Variants in ADGRB3 observed in about 807,000 individuals in gnomAD.
The protein encoded by ADGRB3 is adhesion G protein-coupled receptor B3, also known as brain-specific angiogenesis inhibitor 3.
ADGRB3 carries 37 observed loss-of-function variants against 193.4 expected under a neutral mutation model. That is an observed-to-expected ratio of 0.19 (90% CI 0.15 to 0.25). ADGRB3 has a LOEUF of 0.25. ADGRB3 is among the 10% of genes least tolerant of loss of function. The pLI is 1.00. For synonymous variants in ADGRB3, 690 were observed against 644.2 expected (o/e 1.07, Z -1.08); for missense variants, 1,637 against 1,852.9 (o/e 0.88, Z 2.14).
At chr6:68,909,656 T>G (rs533297535) in intron 3 of ADGRB3, among the ~76,000 whole-genome samples, 1 of 152,214 alleles carries the variant, frequency 6.6e-6, no homozygotes, top group African/African-American at 2.4e-5. Context: ...AACTTTGTCA[T>G]GCATTTTTAG....
At chr6:68,769,117 G>T (rs1003334380) in intron 3 of ADGRB3, among the ~76,000 whole-genome samples, 1 of 152,168 alleles carries the variant, frequency 6.6e-6, no homozygotes, top group Non-Finnish European at 1.5e-5. Flanking sequence ...TAACCATTGT[G>T]GAAGACAGTG....
chr6:69,004,149 T>C (rs1014766732), intron 11 of ADGRB3, among the ~76,000 whole-genome samples: 1 of 152,194 alleles, frequency 6.6e-6, no homozygotes, highest in African/African-American at 2.4e-5. Context: ...AAAGTTTTTA[T>C]TGAAGAATGT....
intron 17 of ADGRB3, among the ~76,000 whole-genome samples, chr6:69,164,277 C>A (rs1775076407): frequency 6.6e-6 from 1 of 151,650 alleles, no homozygotes. Context: ...ACATGGCAGG[C>A]ACTGAATATA....
chr6:69,044,275 C>A (rs1771176281), intron 13 of ADGRB3, among the ~76,000 whole-genome samples: 1 of 152,148 alleles, frequency 6.6e-6, no homozygotes, highest in South Asian at 2.1e-4. Context: ...TAGACTTTTT[C>A]TTTCACATGC....
chr6:69,182,605 AT>A lies in ADGRB3; in HGVS notation c.2481-50677del, dbSNP rs780382945. Among the ~76,000 whole-genome samples the A allele has an allele frequency of 4.6e-5, 7 of 151,158 alleles. No homozygotes were observed. The East Asian group carries it at 5.8e-4, about 13-fold the overall frequency. On this transcript the variant is annotated intron_variant, in intron 17 of 31. Coordinates refer to ENST00000370598, the MANE Select transcript of ADGRB3 (RefSeq NM_001704.3). ...TTTGCTGAGAATTATTTTTTCCCTT[AT>A]TTTTTTTCATCACTGCCATTATTTC...
intron 17 of ADGRB3, among the ~76,000 whole-genome samples, chr6:69,163,766 A>G (rs1199763383): frequency 2.6e-5 from 4 of 152,148 alleles, no homozygotes; most frequent in Admixed American, 2.0e-4. Context: ...TAAGCAACCT[A>G]TACTTCATAC....
intron 17 of ADGRB3, among the ~76,000 whole-genome samples, chr6:69,188,751 A>AT (rs945402735): frequency 3.9e-5 from 6 of 151,934 alleles, no homozygotes; most frequent in African/African-American, 1.2e-4. Flanking sequence ...TGGGCTTAAT[A>AT]TTTTTTTTAA....
intron 3 of ADGRB3, among the ~76,000 whole-genome samples, chr6:68,643,692 G>C (rs905303553): frequency 6.6e-6 from 1 of 151,468 alleles, no homozygotes; most frequent in African/African-American, 2.4e-5. Flanking sequence ...CCAGCACTTT[G>C]GGAGGCCGAA....
intron 11 of ADGRB3, among the ~76,000 whole-genome samples, chr6:69,011,671 G>T (rs952012555): frequency 3.3e-5 from 5 of 152,032 alleles, no homozygotes; most frequent in Non-Finnish European, 7.4e-5. Context: ...AAGAGAAGCT[G>T]AGATATACTG....
intron 3 of ADGRB3, among the ~76,000 whole-genome samples, chr6:68,857,115 C>T (rs1188026967): frequency 1.3e-5 from 2 of 152,170 alleles, no homozygotes; most frequent in African/African-American, 4.8e-5. Context: ...ATGGAAATGC[C>T]GGATGACCAG....
At position 69,354,239 on chromosome 6, in the gene ADGRB3, G is replaced by A; in HGVS notation, c.3466G>A (p.Asp1156Asn). ...GTGTTCCCCCTCCCCACAGGTTCAG[G>A]ATGCATTTAGATGCCGATTGAGAAA... ...VHCILRREVQ[D>N]AFRCRLRNCQ... Residue 1156 changes from aspartate to asparagine, a missense_variant, in exon 27 of 32, where the codon GAT (aspartate) becomes AAT (asparagine). Physicochemically the swap from Asp to Asn is conservative, Grantham distance 23 (BLOSUM62 1). This residue lies in a region of ADGRB3 where 116 missense variants were observed against 168.1 expected (regional missense o/e 0.69). Coordinates refer to ENST00000370598, the MANE Select transcript of ADGRB3 (RefSeq NM_001704.3). 1 of 1,613,304 alleles carries A rather than the reference G, an allele frequency of 6.2e-7. No individual in the cohort carries two copies. The highest frequency in any genetic ancestry group is 1.1e-5 in the South Asian group (1 of 91,064).
chr6:69,031,553 T>TTTCTTCCTTTCTTTC (rs1554248806), intron 13 of ADGRB3, among the ~76,000 whole-genome samples: 2 of 108,624 alleles, frequency 1.8e-5, no homozygotes, highest in African/African-American at 6.6e-5. Context: ...TTCTTTCTTT[T>TTTCTTCCTTTCTTTC]TCTTTCTTTC....
At chr6:69,179,696 C>T (rs1027724881) in intron 17 of ADGRB3, among the ~76,000 whole-genome samples, 1 of 151,954 alleles carries the variant, frequency 6.6e-6, no homozygotes, top group African/African-American at 2.4e-5. Context: ...TCATTCCTTC[C>T]CTGGGGTGTG....
chr6:69,146,971 C>T (rs568426118), intron 17 of ADGRB3, among the ~76,000 whole-genome samples: 29 of 151,466 alleles, frequency 1.9e-4, no homozygotes, highest in Non-Finnish European at 3.5e-4. Flanking sequence ...CTGTAATGAT[C>T]CTTTGAATTT....
At chr6:68,959,799 T>C (rs926837751) in intron 8 of ADGRB3, among the ~76,000 whole-genome samples, 1 of 152,144 alleles carries the variant, frequency 6.6e-6, no homozygotes, top group East Asian at 1.9e-4. Flanking sequence ...AGTTGGGCTA[T>C]AGAATAGCTA....
chr6:68,866,268 G>A (rs1317052485), intron 3 of ADGRB3, among the ~76,000 whole-genome samples: 1 of 152,158 alleles, frequency 6.6e-6, no homozygotes, highest in East Asian at 1.9e-4. Flanking sequence ...ATGATAGTGA[G>A]TGAGTTCTCA....
intron 3 of ADGRB3, among the ~76,000 whole-genome samples, chr6:68,708,706 A>G (rs1015231300): frequency 2.0e-5 from 3 of 152,232 alleles, no homozygotes; most frequent in Non-Finnish European, 4.4e-5. Flanking sequence ...AAGAGTAGCT[A>G]ATTAAGAAGA....
intron 13 of ADGRB3, among the ~76,000 whole-genome samples, chr6:69,046,523 C>T (rs1199924167): frequency 3.9e-5 from 6 of 152,066 alleles, no homozygotes; most frequent in African/African-American, 9.7e-5. Flanking sequence ...GCTGGTATCC[C>T]GAAACAGCAT....
At chr6:69,180,586 G>A (rs942452568) in intron 17 of ADGRB3, among the ~76,000 whole-genome samples, 1 of 152,206 alleles carries the variant, frequency 6.6e-6, no homozygotes, top group Non-Finnish European at 1.5e-5. Context: ...TCTCAGGAGA[G>A]CAGGCTGGGG....
Sources: gnomAD v4.1 joint callset for allele counts (sites outside exome capture counted in the v4.1 genomes callset) on GRCh38, gnomAD v4.1.1 for gene constraint, gnomAD v4.1.1 regional missense constraint, MANE v1.5 for transcripts, NCBI Gene and HGNC (gene_info 2026-07-23, HGNC 2026-07-21) for gene names.